SYNPO2: variants seen among roughly 807,000 people sequenced by gnomAD.
SYNPO2 encodes the protein synaptopodin-2.
Under a neutral mutation model 85.0 loss-of-function variants are expected in SYNPO2, and 56 were observed. The ratio of observed to expected loss-of-function variants is 0.66; its 90% CI spans 0.53 to 0.82. SYNPO2 has a LOEUF of 0.82. Ranked by LOEUF, SYNPO2 falls within the 40% of genes least tolerant of loss-of-function variation. The pLI, the probability that SYNPO2 is intolerant of heterozygous loss-of-function variation, is 0.00. For synonymous variants in SYNPO2, 602 were observed against 591.1 expected (o/e 1.02, Z -0.27); for missense variants, 1,575 against 1,534.2 (o/e 1.03, Z -0.44).
At chr4:118,873,198 C>T (rs1397414321) in intron 1 of SYNPO2, among the ~76,000 whole-genome samples, 3 of 152,146 alleles carry the variant, frequency 2.0e-5, no homozygotes, top group Admixed American at 1.3e-4. Context: ...AATTTCGTTT[C>T]CTTTGGGCAG....
intron 1 of SYNPO2, among the ~76,000 whole-genome samples, chr4:119,005,107 A>T (rs560033530): frequency 1.3e-5 from 2 of 152,058 alleles, no homozygotes; most frequent in Non-Finnish European, 2.9e-5. Context: ...GTTTGAGTTC[A>T]TTGTAGATTC....
rs1392431221 is a variant in SYNPO2, at chr4:119,030,523, TC to T, written c.1752del (p.Met585Ter). The T allele has an allele frequency of 6.2e-7, 1 of 1,614,012 alleles. No homozygotes were observed. Among genetic ancestry groups the T allele is most frequent in the South Asian group, 1.1e-5 (1 of 91,058 alleles). On this transcript the variant is annotated frameshift_variant, in exon 4 of 5. Transcript: ENST00000307142. LOFTEE classifies it high-confidence loss of function. The part of the protein sequence containing the change: ...TSETANIQRM[V>X]PMNRTAKPFP... ...GAGACAGCAAACATCCAGAGGATGG[TC>T]CCCATGAATAGAACGGCCAAACCCT... is the stretch of plus-strand genomic sequence containing the variant.
intron 1 of SYNPO2, among the ~76,000 whole-genome samples, chr4:118,994,786 G>T (rs370793876): frequency 8.5e-5 from 13 of 152,256 alleles, no homozygotes; most frequent in African/African-American, 3.1e-4. Context: ...TATAGAAAAA[G>T]ATCTTTGTTT....
chr4:118,923,657 A>G (rs1399441561), intron 1 of SYNPO2, among the ~76,000 whole-genome samples: 1 of 152,176 alleles, frequency 6.6e-6, no homozygotes, highest in African/African-American at 2.4e-5. Context: ...TTGAAATACA[A>G]ACAAGATATT....
In SYNPO2 at chr4:118,890,733, C is replaced by CTCTCTG. The variant is rs749295331; in HGVS notation, c.105+1593_105+1594insCTCTGT. Among the ~76,000 whole-genome samples, 546 of 126,162 alleles carry CTCTCTG rather than the reference C, an allele frequency of 4.3e-3. 7 individuals carry two copies. Among genetic ancestry groups the CTCTCTG allele is most frequent in the Middle Eastern group, 0.02 (5 of 246 alleles). The allele number at this position is 126,162 out of a possible 152,430, so 82.8% of individuals were successfully genotyped here. A position where few individuals can be genotyped will look rare whatever the true frequency, so the allele number is the denominator to read the frequency against. ...TCTCTCTCTCTCTCTCTCTCTCTCT[C>CTCTCTG]TGTGTGTGTGTGTGTGTGTGTGTAG... On this transcript the variant is annotated intron_variant, in intron 1 of 4. Transcript: ENST00000307142.
At chr4:119,037,402 C>A in intron 4 of SYNPO2, 1 of 1,200,844 alleles carries the variant, frequency 8.3e-7, no homozygotes, top group Admixed American at 4.1e-5. Flanking sequence ...AATTCACATT[C>A]TAAGAATAAA....
rs1734941285 is a variant in SYNPO2, at chr4:118,958,083, A to G, written c.106-65347A>G. ...CAAGTTGTGCTCATTTCTTAGCCTC[A>G]GCAATGTCTTGACACTTCTTCTGCT... is the stretch of plus-strand genomic sequence containing the variant. On this transcript the variant is annotated intron_variant, in intron 1 of 4. Coordinates refer to ENST00000307142, the MANE Select transcript of SYNPO2 (RefSeq NM_133477.3). Among the ~76,000 whole-genome samples the G allele has an allele frequency of 3.3e-5, 5 of 152,204 alleles. 1 individual carries two copies. In the South Asian group the frequency reaches 1.0e-3, roughly 31 times the overall value.
chr4:119,037,497 G>A, intron 4 of SYNPO2: 3 of 1,013,140 alleles, frequency 3.0e-6, no homozygotes, highest in East Asian at 9.4e-5. Context: ...GTAGAAGTCA[G>A]AGAATCTTTG....
intron 1 of SYNPO2, among the ~76,000 whole-genome samples, chr4:118,951,877 C>T (rs1405653922): frequency 2.0e-5 from 3 of 152,082 alleles, no homozygotes; most frequent in Non-Finnish European, 4.4e-5. Flanking sequence ...GATGTGCAAC[C>T]ACAATGAACT....
At position 119,060,897 on chromosome 4, in the gene SYNPO2, A is replaced by C. The variant is rs1267658227; in HGVS notation, c.*2963A>C. ...TGGATTCTTGTTCATTTATCTCTGA[A>C]TATGTCTCTTTTATATTTTGGCACA... On this transcript the variant is annotated 3_prime_UTR_variant, in exon 5 of 5. Transcript: ENST00000307142. 2 of 152,050 alleles carry C rather than the reference A, an allele frequency of 1.3e-5. No individual in the cohort carries two copies. The highest frequency in any genetic ancestry group is 2.9e-5 in the Non-Finnish European group (2 of 67,980). 9.4% of individuals were successfully genotyped at this position (152,050 alleles called of 1,614,324 possible).
intron 4 of SYNPO2, among the ~76,000 whole-genome samples, chr4:119,056,983 A>G (rs1739227206): frequency 6.6e-6 from 1 of 152,238 alleles, no homozygotes. Flanking sequence ...ATTTTGTACC[A>G]GCAAAGCAGG....
intron 4 of SYNPO2, among the ~76,000 whole-genome samples, chr4:119,044,536 T>C (rs1738817271): frequency 6.6e-6 from 1 of 152,318 alleles, no homozygotes; most frequent in South Asian, 2.1e-4. Context: ...TTATTTTTAT[T>C]TATTTTATTT....
At chr4:118,981,288 C>T (rs1001227200) in intron 1 of SYNPO2, among the ~76,000 whole-genome samples, 2 of 152,174 alleles carry the variant, frequency 1.3e-5, no homozygotes, top group African/African-American at 4.8e-5. Context: ...ACCAACCTGT[C>T]TCATAAGCCC....
At chr4:118,904,026 AT>A (rs1266694179) in intron 1 of SYNPO2, among the ~76,000 whole-genome samples, 1 of 152,078 alleles carries the variant, frequency 6.6e-6, no homozygotes, top group Non-Finnish European at 1.5e-5. Flanking sequence ...AATGGTACAG[AT>A]TTTTAAAAGG....
chr4:118,961,376 G>A (rs1380046686), intron 1 of SYNPO2, among the ~76,000 whole-genome samples: 1 of 152,002 alleles, frequency 6.6e-6, no homozygotes, highest in African/African-American at 2.4e-5. Context: ...GTCCAGACAC[G>A]CTGGCTTTTA....
At position 119,027,105 on chromosome 4, in the gene SYNPO2, A is replaced by T; in HGVS notation, c.736A>T (p.Thr246Ser). 1 of 1,614,176 alleles carries T rather than the reference A, an allele frequency of 6.2e-7. No homozygotes were observed. Among genetic ancestry groups the T allele is most frequent in the Admixed American group, 1.7e-5 (1 of 60,024 alleles). Residue 246 changes from threonine to serine, a missense_variant, in exon 3 of 5, where the codon ACT becomes TCT. Transcript: ENST00000307142. ...DRIVHINSIP[T>S]NEKADPFLRS... Reference sequence around the variant, plus strand: ...GATTGTCCACATAAATTCGATCCCTACTAATGAGAAAGCAGACCCTTTCCT... The same window carrying T: ...GATTGTCCACATAAATTCGATCCCTTCTAATGAGAAAGCAGACCCTTTCCT...
intron 1 of SYNPO2, among the ~76,000 whole-genome samples, chr4:118,938,323 T>G (rs1734183351): frequency 6.6e-6 from 1 of 152,092 alleles, no homozygotes; most frequent in Non-Finnish European, 1.5e-5. Flanking sequence ...CCATCTCAAT[T>G]TAAAGAAAAC....
At chr4:118,907,025 G>A (rs1248876421) in intron 1 of SYNPO2, among the ~76,000 whole-genome samples, 1 of 151,548 alleles carries the variant, frequency 6.6e-6, no homozygotes, top group African/African-American at 2.4e-5. Context: ...TTGTTGCCAA[G>A]GCTGGTCTTG....
chr4:118,975,275 A>G (rs79817511), intron 1 of SYNPO2, among the ~76,000 whole-genome samples: 13,402 of 152,256 alleles, frequency 0.088, 714 homozygotes, highest in East Asian at 0.16. Flanking sequence ...CCCAAAATCT[A>G]TGTAGTACTA....
Sources: allele counts gnomAD v4.1 joint callset (sites outside exome capture counted in the v4.1 genomes callset), GRCh38; gene constraint gnomAD v4.1.1; transcripts MANE v1.5; gene names NCBI Gene and HGNC (gene_info 2026-07-23, HGNC 2026-07-21).